Variants in JAKMIP3 observed in about 807,000 individuals in gnomAD.
The protein encoded by JAKMIP3 is janus kinase and microtubule-interacting protein 3.
A neutral mutation model predicts 118.5 loss-of-function variants in JAKMIP3; 58 were observed. The ratio of observed to expected loss-of-function variants is 0.49; its 90% confidence interval spans 0.40 to 0.61. The LOEUF is 0.61. Ranked by LOEUF, JAKMIP3 falls within the 20% of genes least tolerant of loss-of-function variation. The probability of loss-of-function intolerance (pLI) is 0.00; values close to 1 mark genes in which losing one functional copy is unlikely to be tolerated. For synonymous variants in JAKMIP3, 486 were observed against 451.2 expected (o/e 1.08, Z -0.98); for missense variants, 950 against 1,109.0 (o/e 0.86, Z 2.04).
chr10:132,139,404 G>T (rs1293758971), intron 9 of JAKMIP3, among the ~76,000 whole-genome samples: 1 of 124,476 alleles, frequency 8.0e-6, no homozygotes, highest in African/African-American at 3.4e-5. Context: ...GTATGTGAGT[G>T]TGTATGTGTG....
At chr10:132,092,098 A>G (rs1349453235) in intron 1 of JAKMIP3, among the ~76,000 whole-genome samples, 1 of 151,716 alleles carries the variant, frequency 6.6e-6, no homozygotes, top group Non-Finnish European at 1.5e-5. Context: ...ACTGGCCCCC[A>G]CTCTCTTCTG....
chr10:132,082,564 C>A (rs191893317), intron 1 of JAKMIP3, among the ~76,000 whole-genome samples: 274 of 152,054 alleles, frequency 1.8e-3, no homozygotes, highest in Non-Finnish European at 3.1e-3. Context: ...TAATTCATTC[C>A]TTTTTATGGC....
intron 3 of JAKMIP3, among the ~76,000 whole-genome samples, chr10:132,124,914 G>A (rs1470936052): frequency 6.6e-6 from 1 of 152,194 alleles, no homozygotes; most frequent in African/African-American, 2.4e-5. Flanking sequence ...AAAGAGGCTG[G>A]CCGTTCCACT....
At chr10:132,154,702 G>A (rs534432446) in intron 19 of JAKMIP3, among the ~76,000 whole-genome samples, 1 of 152,236 alleles carries the variant, frequency 6.6e-6, no homozygotes, top group East Asian at 1.9e-4. Flanking sequence ...CTCAAAGCAA[G>A]GGAAAGTGGG....
chr10:132,177,535 T>C (rs1565013053), intron 23 of JAKMIP3, among the ~76,000 whole-genome samples: 2 of 144,538 alleles, frequency 1.4e-5, no homozygotes, highest in African/African-American at 5.1e-5. Context: ...TGTGTGTGTG[T>C]GCACACTGTG....
chr10:132,087,050 C>T (rs2042487870), intron 1 of JAKMIP3, among the ~76,000 whole-genome samples: 1 of 152,184 alleles, frequency 6.6e-6, no homozygotes, highest in South Asian at 2.1e-4. Context: ...TCTTGTAGTG[C>T]TGGCTTGGTA....
chr10:132,163,356 G>A lies in JAKMIP3; in HGVS notation c.2368G>A (p.Glu790Lys), dbSNP rs745483482. ...WKRQVMSELR[E>K]RDAQILRERM... ...GCGCCAGGTCATGAGTGAGCTGCGC[G>A]AGCGGGACGCCCAGATCCTGCGGGA... The change falls in exon 20 of 24, where the codon GAG (glutamate) becomes AAG (lysine). Residue 790 changes from glutamate to lysine, a missense_variant. Transcript: ENST00000684848. 27 of 1,608,982 alleles carry A rather than the reference G, an allele frequency of 1.7e-5. No individual in the cohort carries two copies. Among genetic ancestry groups the A allele is most frequent in the African/African-American group, 5.3e-5 (4 of 74,858 alleles).
At chr10:132,143,003 A>G (rs2053857614) in intron 11 of JAKMIP3, among the ~76,000 whole-genome samples, 1 of 152,132 alleles carries the variant, frequency 6.6e-6, no homozygotes, top group Non-Finnish European at 1.5e-5. Context: ...GGGAGCCGCC[A>G]GCCTCATCCT....
At chr10:132,082,502 C>T (rs999366256) in intron 1 of JAKMIP3, among the ~76,000 whole-genome samples, 1 of 152,138 alleles carries the variant, frequency 6.6e-6, no homozygotes, top group Non-Finnish European at 1.5e-5. Context: ...TCCCAAGTTA[C>T]TTCATTTGGA....
intron 1 of JAKMIP3, among the ~76,000 whole-genome samples, chr10:132,084,110 G>A (rs1385871444): frequency 1.3e-5 from 2 of 152,068 alleles, no homozygotes; most frequent in Non-Finnish European, 2.9e-5. Context: ...CATTGAATTT[G>A]TAGATTGCTT....
At position 132,150,033 on chromosome 10, in the gene JAKMIP3, G is replaced by A. The variant is rs199769239; in HGVS notation, c.1999G>A (p.Ala667Thr). ...GAAGCTGGACATCCTGGGCGATAACGCCGTAAGTGTATGTCGCTCTCCTGG... is the reference window on the plus strand; with the variant it reads ...GAAGCTGGACATCCTGGGCGATAACACCGTAAGTGTATGTCGCTCTCCTGG... ...MKKLDILGDN[A>T]VSNLTNEEQV... The change falls in exon 16 of 24, where the codon GCC becomes ACC. Residue 667 changes from alanine (A) to threonine (T), a missense_variant. By Grantham distance (58) the Ala-to-Thr change is moderately conservative. Coordinates refer to ENST00000684848, the MANE Select transcript of JAKMIP3 (RefSeq NM_001323087.2). 1.4e-4 allele frequency: 223 copies of A among 1,585,256 alleles called. No homozygotes were observed. Among genetic ancestry groups the A allele is most frequent in the South Asian group, 9.2e-4 (82 of 88,778 alleles).
chr10:132,103,174 A>G (rs2045268960), intron 1 of JAKMIP3, among the ~76,000 whole-genome samples: 1 of 151,922 alleles, frequency 6.6e-6, no homozygotes, highest in Non-Finnish European at 1.5e-5. Context: ...CAAGAGGGAA[A>G]GGTGCTTTTT....
chr10:132,055,020 G>A, intron 1 of JAKMIP3, among the ~76,000 whole-genome samples: 1 of 152,154 alleles, frequency 6.6e-6, no homozygotes, highest in East Asian at 1.9e-4. Context: ...CCTACACCGA[G>A]GATCCTCCGG....
chr10:132,164,628 G>A (rs866654334), intron 20 of JAKMIP3, 42 bp from the exon 21 acceptor site: 5 of 1,307,678 alleles, frequency 3.8e-6, no homozygotes, highest in East Asian at 2.3e-5. Context: ...GGTTTCCCGA[G>A]TACTGTGACT....
chr10:132,088,439 T>G (rs929281376), intron 1 of JAKMIP3, among the ~76,000 whole-genome samples: 2 of 152,242 alleles, frequency 1.3e-5, no homozygotes, highest in Non-Finnish European at 2.9e-5. Flanking sequence ...GGTTTTGATT[T>G]GCATTTCTCT....
At chr10:132,082,149 G>A (rs1305745648) in intron 1 of JAKMIP3, among the ~76,000 whole-genome samples, 2 of 117,876 alleles carry the variant, frequency 1.7e-5, no homozygotes, top group Non-Finnish European at 3.4e-5. Flanking sequence ...TTAGATGCCA[G>A]ACATTGGGCA....
At chr10:132,098,601 G>A (rs975705349) in intron 1 of JAKMIP3, among the ~76,000 whole-genome samples, 4 of 152,300 alleles carry the variant, frequency 2.6e-5, no homozygotes, top group Admixed American at 6.5e-5. Context: ...GAGTGCGGAC[G>A]TCCCTTAAGA....
intron 19 of JAKMIP3, among the ~76,000 whole-genome samples, chr10:132,162,960 C>G (rs922590625): frequency 1.3e-5 from 2 of 152,332 alleles, no homozygotes; most frequent in East Asian, 3.9e-4. Context: ...AGTCCTCCCC[C>G]ACTCTGGGGT....
intron 1 of JAKMIP3, 110 bp from the exon 2 acceptor site, chr10:132,104,562 A>G (rs11146175): frequency 0.19 from 102,864 of 529,314 alleles, 11,599 homozygotes; most frequent in African/African-American, 0.38. Flanking sequence ...CATCCTCAGC[A>G]CTGCAATGAG....
Sources: allele counts gnomAD v4.1 joint callset (sites outside exome capture counted in the v4.1 genomes callset), GRCh38; gene constraint gnomAD v4.1.1; transcripts MANE v1.5; gene names NCBI Gene and HGNC (gene_info 2026-07-23, HGNC 2026-07-21).